Variants in TMEM117 observed in about 807,000 individuals in gnomAD.
The protein encoded by TMEM117 is transmembrane protein 117.
TMEM117 carries 27 observed loss-of-function variants against 52.4 expected under a neutral mutation model. The ratio of observed to expected loss-of-function variants is 0.51; its 90% CI spans 0.38 to 0.71. The LOEUF is 0.71. TMEM117 is among the 30% of genes least tolerant of loss of function. The probability of loss-of-function intolerance (pLI) is 0.00; values close to 1 mark genes in which losing one functional copy is unlikely to be tolerated. For missense variants in TMEM117, 556 were observed against 630.5 expected (o/e 0.88, Z 1.26); for synonymous variants, 215 against 206.3 (o/e 1.04, Z -0.36).
the TMEM117 span, among the ~76,000 whole-genome samples, chr12:43,809,933 G>T: frequency 6.6e-6 from 1 of 152,206 alleles, no homozygotes; most frequent in Non-Finnish European, 1.5e-5. Flanking sequence ...ATCGGACTCA[G>T]TGGTGCTTGA....
At chr12:44,161,317 G>A (rs1016330795) in intron 4 of TMEM117, among the ~76,000 whole-genome samples, 1 of 152,028 alleles carries the variant, frequency 6.6e-6, no homozygotes, top group African/African-American at 2.4e-5. Context: ...GCATACAGTT[G>A]GGTTTAAATC....
chr12:44,144,651 G>T (rs1376476182), intron 4 of TMEM117, among the ~76,000 whole-genome samples: 1 of 152,192 alleles, frequency 6.6e-6, no homozygotes, highest in African/African-American at 2.4e-5. Context: ...AGAACATCCA[G>T]GAAGAGTATC....
intron 3 of TMEM117, among the ~76,000 whole-genome samples, chr12:44,049,226 A>G (rs989030944): frequency 1.3e-5 from 2 of 152,248 alleles, no homozygotes; most frequent in Non-Finnish European, 2.9e-5. Flanking sequence ...ATGGAATACT[A>G]CGCAGCCATA....
At chr12:44,002,233 CTTG>C (rs1189276344) in intron 3 of TMEM117, among the ~76,000 whole-genome samples, 2 of 152,196 alleles carry the variant, frequency 1.3e-5, no homozygotes, top group East Asian at 3.9e-4. Context: ...TTTTTACACT[CTTG>C]TCACTTACAG....
intron 3 of TMEM117, among the ~76,000 whole-genome samples, chr12:44,027,259 C>T (rs1006885579): frequency 6.6e-6 from 1 of 150,520 alleles, no homozygotes; most frequent in African/African-American, 2.5e-5. Context: ...AATCTTGGCT[C>T]ATTGCAACCT....
chr12:43,845,749 G>C (rs894870912), intron 2 of TMEM117, among the ~76,000 whole-genome samples: 4 of 151,486 alleles, frequency 2.6e-5, no homozygotes, highest in African/African-American at 9.7e-5. Flanking sequence ...GTGTCCAAGT[G>C]TTGTCATTGT....
chr12:44,370,296 A>G (rs1032076187), intron 6 of TMEM117, among the ~76,000 whole-genome samples: 1 of 152,160 alleles, frequency 6.6e-6, no homozygotes, highest in African/African-American at 2.4e-5. Context: ...TTCCTCTGTG[A>G]TCAATGACAA....
intron 3 of TMEM117, among the ~76,000 whole-genome samples, chr12:44,074,583 G>A (rs760983412): frequency 2.6e-5 from 4 of 152,208 alleles, no homozygotes; most frequent in African/African-American, 4.8e-5. Context: ...CATAACTTCC[G>A]TAAGGTTCTG....
chr12:43,959,277 A>G (rs1465285953), intron 3 of TMEM117, among the ~76,000 whole-genome samples: 1 of 152,216 alleles, frequency 6.6e-6, no homozygotes, highest in East Asian at 1.9e-4. Context: ...TGGAGCTCTT[A>G]CATTTATCCC....
chr12:44,211,065 T>G (rs1949639114), intron 4 of TMEM117, among the ~76,000 whole-genome samples: 1 of 152,156 alleles, frequency 6.6e-6, no homozygotes, highest in Non-Finnish European at 1.5e-5. Context: ...TCTTAATATC[T>G]GACATGTTGA....
At chr12:44,146,550 G>C (rs765493385) in intron 4 of TMEM117, among the ~76,000 whole-genome samples, 2 of 152,108 alleles carry the variant, frequency 1.3e-5, no homozygotes, top group Non-Finnish European at 2.9e-5. Flanking sequence ...GAAATACCAA[G>C]TGCTCCTGAT....
chr12:44,214,383 G>C (rs1949689321), intron 5 of TMEM117, among the ~76,000 whole-genome samples: 1 of 151,880 alleles, frequency 6.6e-6, no homozygotes, highest in South Asian at 2.1e-4. Flanking sequence ...GGCCAGGCTG[G>C]TCTCAAACTC....
intron 1 of TMEM117, among the ~76,000 whole-genome samples, chr12:43,837,801 T>C (rs1943057101): frequency 6.6e-6 from 1 of 152,244 alleles, no homozygotes; most frequent in Non-Finnish European, 1.5e-5. Flanking sequence ...CCCCTAGACC[T>C]ACTTTGCTTT....
At chr12:44,252,205 A>C (rs574341100) in intron 5 of TMEM117, among the ~76,000 whole-genome samples, 1 of 152,196 alleles carries the variant, frequency 6.6e-6, no homozygotes, top group African/African-American at 2.4e-5. Context: ...CTTTATCCAT[A>C]TCCAAAGATT....
the TMEM117 span, chr12:43,797,853 T>C: frequency 6.2e-7 from 1 of 1,606,456 alleles, no homozygotes; most frequent in Non-Finnish European, 8.5e-7. Flanking sequence ...ACAGATTTAA[T>C]TTACAAGTTT....
At chr12:43,844,963 AATT>A in intron 2 of TMEM117, 35 bp downstream of exon 2, 1 of 1,566,284 alleles carries the variant, frequency 6.4e-7, no homozygotes, top group Non-Finnish European at 8.6e-7. Flanking sequence ...TAATATCACT[AATT>A]ATTTAATTTC....
At chr12:43,942,818 C>T (rs1326566097) in intron 2 of TMEM117, among the ~76,000 whole-genome samples, 1 of 152,010 alleles carries the variant, frequency 6.6e-6, no homozygotes, top group Non-Finnish European at 1.5e-5. Flanking sequence ...GAGATAATTT[C>T]CAGATAGAAA....
intron 6 of TMEM117, among the ~76,000 whole-genome samples, chr12:44,324,897 T>C (rs1418929766): frequency 6.6e-6 from 1 of 152,148 alleles, no homozygotes; most frequent in East Asian, 1.9e-4. Flanking sequence ...GAACAAGATA[T>C]GGTGATTATT....
intron 3 of TMEM117, among the ~76,000 whole-genome samples, chr12:44,029,867 T>G (rs190058876): frequency 6.6e-6 from 1 of 152,296 alleles, no homozygotes; most frequent in Admixed American, 6.5e-5. Flanking sequence ...CTGAAAAAAC[T>G]GGATGAGGTT....
Sources: allele counts gnomAD v4.1 joint callset (sites outside exome capture counted in the v4.1 genomes callset), GRCh38; gene constraint gnomAD v4.1.1; transcripts MANE v1.5; gene names NCBI Gene and HGNC (gene_info 2026-07-23, HGNC 2026-07-21).